The following ILDR1 variants were observed in gnomAD, a reference collection of about 807,000 sequenced individuals.
ILDR1 encodes the protein immunoglobulin like domain containing receptor 1, also known as immunoglobulin-like domain-containing receptor 1.
In ILDR1, 56 loss-of-function variants were observed where a neutral mutation model predicts 62.4. That is an observed-to-expected ratio of 0.90 (90% CI 0.72 to 1.12). The LOEUF (loss-of-function observed/expected upper bound fraction) is 1.12, where lower values mean the gene tolerates loss of function less well. Ranked by LOEUF, ILDR1 falls within the 50% of genes most tolerant of loss-of-function variation. The pLI, the probability that ILDR1 is intolerant of heterozygous loss-of-function variation, is 0.00. For missense variants in ILDR1, 736 were observed against 710.6 expected, an observed-to-expected ratio of 1.04 and a Z score of -0.41; for synonymous variants, 284 against 277.8, an observed-to-expected ratio of 1.02 and a Z score of -0.22.
chr3:122,027,590 A>T, the ILDR1 span, among the ~76,000 whole-genome samples: 1 of 152,214 alleles, frequency 6.6e-6, no homozygotes, highest in South Asian at 2.1e-4. Context: ...TCCCAAATTA[A>T]CAAATTCTAC....
At chr3:122,043,590 C>G in the ILDR1 span, among the ~76,000 whole-genome samples, 3 of 68,990 alleles carry the variant, frequency 4.3e-5, no homozygotes, top group Admixed American at 3.2e-4. Flanking sequence ...CTTTTATTTC[C>G]TTGAGCAGTG....
chr3:121,990,928 A>G (rs191589272), intron 7 of ILDR1, among the ~76,000 whole-genome samples: 1 of 152,308 alleles, frequency 6.6e-6, no homozygotes, highest in Non-Finnish European at 1.5e-5. Flanking sequence ...GAGGCCAGGC[A>G]CAGTGGCTCA....
chr3:122,048,837 C>T, the ILDR1 span, among the ~76,000 whole-genome samples: 1 of 151,896 alleles, frequency 6.6e-6, no homozygotes, highest in African/African-American at 2.4e-5. Flanking sequence ...GGTCTTGCTA[C>T]GTTGCCCAGG....
chr3:122,002,628 T>C (rs111642362), intron 3 of ILDR1, among the ~76,000 whole-genome samples: 1 of 152,152 alleles, frequency 6.6e-6, no homozygotes, highest in Admixed American at 6.5e-5. Flanking sequence ...ATTTTTTTTT[T>C]AATTTTAAGG....
intron 7 of ILDR1, 130 bp downstream of exon 7, chr3:121,993,020 A>G (rs1392769517): frequency 7.7e-6 from 6 of 782,496 alleles, no homozygotes; most frequent in Non-Finnish European, 1.3e-5. Flanking sequence ...CCACAGTGTA[A>G]TTTGGGCAAA....
chr3:122,016,604 G>A (rs1008618794), intron 1 of ILDR1, among the ~76,000 whole-genome samples: 3 of 152,234 alleles, frequency 2.0e-5, no homozygotes, highest in African/African-American at 7.2e-5. Flanking sequence ...GACCATGCCT[G>A]TATCTGGGGG....
chr3:122,060,526 T>C, the ILDR1 span, among the ~76,000 whole-genome samples: 1 of 152,026 alleles, frequency 6.6e-6, no homozygotes, highest in South Asian at 2.1e-4. Flanking sequence ...CTCATGCCTG[T>C]AATCCCAGTG....
At chr3:122,050,869 CTTTA>C in the ILDR1 span, among the ~76,000 whole-genome samples, 1 of 152,074 alleles carries the variant, frequency 6.6e-6, no homozygotes, top group African/African-American at 2.4e-5. Context: ...TTAGGAAAGT[CTTTA>C]TTTCTCATTT....
At chr3:122,025,656 T>C (rs546233689), upstream of ILDR1, among the ~76,000 whole-genome samples, 3 of 152,350 alleles carry the variant, frequency 2.0e-5, no homozygotes, top group South Asian at 2.1e-4. Context: ...GAATACTATA[T>C]ATGTGCATCT....
chr3:122,001,189 A>T lies in ILDR1; in HGVS notation c.646+119T>A. The stretch of plus-strand genomic sequence containing the variant: ...GAGGCTAATGTCCTCTGTCCCTATG[A>T]TGGGAGAAGGGCATGGAGGAGAACC... On this transcript the variant is annotated intron_variant, in intron 5 of 7. Transcript: ENST00000344209. 3 of 1,171,840 alleles carry T rather than the reference A, an allele frequency of 2.6e-6. No individual in the cohort carries two copies. The South Asian group carries it at 3.9e-5, about 15-fold the overall frequency. 72.6% of individuals were successfully genotyped at this position (1,171,840 alleles called of 1,614,324 possible). A position where few individuals can be genotyped will look rare whatever the true frequency, so the allele number is the denominator to read the frequency against.
At chr3:122,030,390 C>A in the ILDR1 span, among the ~76,000 whole-genome samples, 2 of 151,890 alleles carry the variant, frequency 1.3e-5, no homozygotes, top group Non-Finnish European at 2.9e-5. Flanking sequence ...AGACACAATA[C>A]CACTCAGCCA....
In ILDR1 at chr3:122,022,153, G is replaced by A; in HGVS notation, c.-76C>T. 2.3e-6 allele frequency: 3 copies of A among 1,295,208 alleles called. No homozygotes were observed. The highest frequency in any genetic ancestry group is 3.3e-6 in the Non-Finnish European group (3 of 921,992). The allele number at this position is 1,295,208 out of a possible 1,614,324, so 80.2% of individuals were successfully genotyped here. ...CTTTCTTCCTCAGCTGCCGCCCCAG[G>A]ACGCACCACCTTCTCCAAGGAACCC... On this transcript the variant is annotated 5_prime_UTR_variant, in exon 1 of 8. Transcript: ENST00000344209.
intron 3 of ILDR1, 42 bp from the exon 4 acceptor site, chr3:122,001,906 G>A (rs201760849): frequency 1.2e-6 from 2 of 1,610,262 alleles, no homozygotes; most frequent in Non-Finnish European, 1.7e-6. Flanking sequence ...TCAGAGGAGA[G>A]AGCACTGGTT....
At chr3:122,035,133 C>T in the ILDR1 span, among the ~76,000 whole-genome samples, 6 of 152,192 alleles carry the variant, frequency 3.9e-5, no homozygotes, top group African/African-American at 1.4e-4. Flanking sequence ...TCTGCCCAGA[C>T]TCATCTACTC....
At position 122,022,105 on chromosome 3, in the gene ILDR1, T is replaced by G. The variant is rs1330332898; in HGVS notation, c.-28A>C. On this transcript the variant is annotated 5_prime_UTR_variant, in exon 1 of 8. Transcript: ENST00000344209. ...CGCCCCCTTTCTGGCCCTTTTCAGC[T>G]CAGGGGCTTCGGGGCACTGCGTCTT... is the stretch of plus-strand genomic sequence containing the variant. The G allele has an allele frequency of 6.3e-7, 1 of 1,580,596 alleles. No homozygotes were observed. Among genetic ancestry groups the G allele is most frequent in the Admixed American group, 1.8e-5 (1 of 56,400 alleles).
At chr3:122,053,985 A>C in the ILDR1 span, among the ~76,000 whole-genome samples, 2 of 152,200 alleles carry the variant, frequency 1.3e-5, no homozygotes, top group African/African-American at 4.8e-5. Flanking sequence ...AATAATTTTG[A>C]AGATAGATAA....
chr3:122,027,947 C>G, the ILDR1 span, among the ~76,000 whole-genome samples: 1 of 152,036 alleles, frequency 6.6e-6, no homozygotes, highest in African/African-American at 2.4e-5. Context: ...GGGGCTGAAC[C>G]CTTAATCTTT....
Position 121,988,389 on chromosome 3 carries a change from C to G in ILDR1, c.1619G>C (p.Ser540Thr), listed in dbSNP as rs774380639. ...ERRSEKDSSH[S>T]GRSVVI ...TGACTAAATGACCACACTCCTTCCACTATGAGAGCTGTCTTTCTCCTGGGA... is the reference window on the plus strand; with the variant it reads ...TGACTAAATGACCACACTCCTTCCAGTATGAGAGCTGTCTTTCTCCTGGGA... Residue 540 changes from serine (S) to threonine (T), a missense_variant, in exon 8 of 8, where the codon AGT becomes ACT. Ser to Thr is a moderately conservative substitution (Grantham distance 58). Transcript: ENST00000344209. 6.2e-7 allele frequency: 1 copy of G among 1,613,870 alleles called. No homozygotes were observed. The highest frequency in any genetic ancestry group is 8.5e-7 in the Non-Finnish European group (1 of 1,179,782).
At chr3:122,025,054 A>G (rs2071908865), upstream of ILDR1, 1 of 152,254 alleles carries the variant, frequency 6.6e-6, no homozygotes, top group South Asian at 2.1e-4. Flanking sequence ...GTGGCTCAGA[A>G]CAACAGCAGT....
Sources: gnomAD v4.1 joint callset for allele counts (sites outside exome capture counted in the v4.1 genomes callset) on GRCh38, gnomAD v4.1.1 for gene constraint, MANE v1.5 for transcripts, NCBI Gene and HGNC (gene_info 2026-07-23, HGNC 2026-07-21) for gene names.